The following DGCR2 variants were observed in gnomAD, a reference collection of about 807,000 sequenced individuals.
DGCR2 encodes the protein DiGeorge syndrome critical region gene 2.
DGCR2 carries 24 observed loss-of-function variants against 51.6 expected under a neutral mutation model. The observed-to-expected ratio is 0.47, with a 90% CI of 0.34 to 0.65. DGCR2 has a LOEUF of 0.65. Ranked by LOEUF, DGCR2 falls within the 30% of genes least tolerant of loss-of-function variation. DGCR2 has a pLI of 0.01. For missense variants in DGCR2, 765 were observed against 772.1 expected (o/e 0.99, Z 0.11); for synonymous variants, 340 against 315.4 (o/e 1.08, Z -0.82).
intron 1 of DGCR2, among the ~76,000 whole-genome samples, chr22:19,104,887 C>T (rs145624621): frequency 4.2e-4 from 63 of 150,740 alleles, no homozygotes; most frequent in African/African-American, 1.5e-3. Context: ...TTCAAAGCAG[C>T]AGCAGCAGCA....
chr22:19,060,748 A>C (rs1281733984), intron 5 of DGCR2: 2 of 385,108 alleles, frequency 5.2e-6, no homozygotes, highest in Non-Finnish European at 1.0e-5. Flanking sequence ...AGGGCACATC[A>C]TGACCTGGTG....
intron 5 of DGCR2, among the ~76,000 whole-genome samples, chr22:19,062,775 G>GCGCGCTCTCTCTCTCTCTCTCTCTCT (rs1555903875): frequency 9.2e-6 from 1 of 108,860 alleles, no homozygotes; most frequent in Admixed American, 9.3e-5. Flanking sequence ...ACACATGCAT[G>GCGCGCTCTCTCTCTCTCTCTCTCTCT]CTCACTCTCT....
chr22:19,065,472 T>C (rs2082738002), intron 3 of DGCR2, among the ~76,000 whole-genome samples: 1 of 152,078 alleles, frequency 6.6e-6, no homozygotes, highest in Non-Finnish European at 1.5e-5. Flanking sequence ...CTCCCCTCTC[T>C]CCCTTTTCTA....
At chr22:19,076,949 C>G (rs1241850830) in intron 2 of DGCR2, among the ~76,000 whole-genome samples, 1 of 151,972 alleles carries the variant, frequency 6.6e-6, no homozygotes, top group Non-Finnish European at 1.5e-5. Flanking sequence ...CCAGGATGGT[C>G]TCGATCTCCT....
intron 1 of DGCR2, among the ~76,000 whole-genome samples, chr22:19,101,515 CG>C (rs2083201402): frequency 6.7e-6 from 1 of 149,916 alleles, no homozygotes; most frequent in East Asian, 2.0e-4. Flanking sequence ...CCGAGGTGGG[CG>C]GATCACCTGA....
chr22:19,053,535 C>G (rs1451134992), intron 6 of DGCR2, among the ~76,000 whole-genome samples: 1 of 152,172 alleles, frequency 6.6e-6, no homozygotes, highest in African/African-American at 2.4e-5. Flanking sequence ...TCGCCCAGAT[C>G]AACGCCCTGC....
intron 1 of DGCR2, among the ~76,000 whole-genome samples, chr22:19,105,883 T>C (rs145888459): frequency 1.5e-4 from 23 of 151,956 alleles, no homozygotes; most frequent in Non-Finnish European, 3.2e-4. Flanking sequence ...GGGCCACCTC[T>C]AACCTTCCCG....
chr22:19,040,159 C>T (rs902264739), intron 9 of DGCR2, among the ~76,000 whole-genome samples: 1 of 152,228 alleles, frequency 6.6e-6, no homozygotes, highest in African/African-American at 2.4e-5. Context: ...TGCCACCCAC[C>T]ACCATCCCTT....
At position 19,057,095 on chromosome 22, in the gene DGCR2, C is replaced by G; in HGVS notation, c.693G>C (p.Val231=). Residue 231 remains valine, a synonymous_variant, in exon 6 of 10, where the codon GTG becomes GTC. Transcript: ENST00000263196. This position sits in a 1 kb window ranked among gnomAD's most constrained non-coding sequence, Gnocchi z 5.1. Reference sequence around the variant, plus strand: ...GGAAGCACTGAAGCTGGGCACAGAACACGTTGTCGTTCTCAGACATGGCCG... The same window carrying G: ...GGAAGCACTGAAGCTGGGCACAGAAGACGTTGTCGTTCTCAGACATGGCCG... ...FASAMSENDN[V]FCAQLQCFHF... The G allele has an allele frequency of 6.2e-7, 1 of 1,606,828 alleles. No homozygotes were observed. Among genetic ancestry groups the G allele is most frequent in the Non-Finnish European group, 8.5e-7 (1 of 1,176,788 alleles).
At chr22:19,071,673 A>T (rs536476724) in intron 2 of DGCR2, among the ~76,000 whole-genome samples, 17 of 152,350 alleles carry the variant, frequency 1.1e-4, no homozygotes, top group African/African-American at 4.1e-4. Context: ...ACATACTTAC[A>T]TTAATCCTTG....
At chr22:19,072,913 A>G (rs2082831943) in intron 2 of DGCR2, among the ~76,000 whole-genome samples, 1 of 152,036 alleles carries the variant, frequency 6.6e-6, no homozygotes, top group Non-Finnish European at 1.5e-5. Context: ...AAAAAGGAAA[A>G]TGCAGACAAC....
At chr22:19,044,453 T>A (rs1308105720) in intron 7 of DGCR2, among the ~76,000 whole-genome samples, 1 of 152,184 alleles carries the variant, frequency 6.6e-6, no homozygotes, top group Non-Finnish European at 1.5e-5. Flanking sequence ...AGAGACACCA[T>A]GGGGAGCAGA....
intron 1 of DGCR2, among the ~76,000 whole-genome samples, chr22:19,117,178 A>G (rs1439758719): frequency 2.0e-5 from 3 of 152,292 alleles, no homozygotes; most frequent in Admixed American, 6.5e-5. Flanking sequence ...ATCACCGGCC[A>G]CCGCTGCTAA....
chr22:19,060,803 C>T (rs767887440), intron 5 of DGCR2: 1 of 480,242 alleles, frequency 2.1e-6, no homozygotes, highest in Non-Finnish European at 4.1e-6. Flanking sequence ...GGCTCACAGG[C>T]TGGTGTGGGC....
Position 19,038,899 on chromosome 22 carries a change from C to G in DGCR2, c.1619G>C (p.Arg540Pro). Residue 540 changes from arginine (R) to proline (P), a missense_variant, in exon 10 of 10, where the codon CGC becomes CCC. Arg to Pro is a moderately radical substitution (Grantham distance 103, BLOSUM62 -2). This residue lies in a region of DGCR2 where 205 missense variants were observed against 181.4 expected (regional missense o/e 1.13). Transcript: ENST00000263196. ...AGTATTGAGGGAGCTGCGGCTGTGG[C>G]GGCCACCCCCTGGCAGTGCCTCTGC... ...PAAEALPGGG[R>P]HSRSSLNTVV 6.2e-7 allele frequency: 1 copy of G among 1,612,808 alleles called. No homozygotes were observed. Among genetic ancestry groups the G allele is most frequent in the East Asian group, 2.2e-5 (1 of 44,876 alleles).
At chr22:19,055,357 T>C (rs765520777) in intron 6 of DGCR2, among the ~76,000 whole-genome samples, 2 of 152,164 alleles carry the variant, frequency 1.3e-5, no homozygotes, top group Non-Finnish European at 2.9e-5. Context: ...AATAGGTACT[T>C]CTTTGACTTC....
At chr22:19,105,663 G>A (rs971337392) in intron 1 of DGCR2, among the ~76,000 whole-genome samples, 4 of 151,726 alleles carry the variant, frequency 2.6e-5, no homozygotes, top group Non-Finnish European at 4.4e-5. Context: ...AGAAAGGGAC[G>A]CGGCTGGCGA....
chr22:19,109,392 G>A (rs1479280639), intron 1 of DGCR2, among the ~76,000 whole-genome samples: 4 of 152,198 alleles, frequency 2.6e-5, no homozygotes, highest in Non-Finnish European at 4.4e-5. Context: ...AGAGGTGGAA[G>A]CGACCCAGGT....
intron 2 of DGCR2, among the ~76,000 whole-genome samples, chr22:19,085,612 G>A (rs1230520830): frequency 3.3e-5 from 5 of 152,266 alleles, no homozygotes; most frequent in Non-Finnish European, 5.9e-5. Context: ...GCCCAGAAGG[G>A]AGTGAGTGGG....
Sources: gnomAD v4.1 joint callset for allele counts (sites outside exome capture counted in the v4.1 genomes callset) on GRCh38, gnomAD v4.1.1 for gene constraint, gnomAD v4.1.1 regional missense constraint, Gnocchi (gnomAD v3.1) non-coding constraint, MANE v1.5 for transcripts, NCBI Gene and HGNC (gene_info 2026-07-23, HGNC 2026-07-21) for gene names.